The following C16orf46 variants were observed in gnomAD, a reference collection of about 807,000 sequenced individuals.
The protein encoded by C16orf46 is uncharacterized protein C16orf46.
In C16orf46, 7 loss-of-function variants were observed where a neutral mutation model predicts 5.5. The observed-to-expected ratio is 1.28, with a 90% CI of 0.73 to 2.40. The LOEUF (loss-of-function observed/expected upper bound fraction) is 2.40. Among genes scored for constraint, C16orf46 ranks in the 30% most tolerant of loss-of-function variants. C16orf46 has a pLI of 0.00. For missense variants in C16orf46, 614 were observed against 476.0 expected (o/e 1.29, Z -2.70); for synonymous variants, 200 against 184.1 (o/e 1.09, Z -0.70).
At chr16:81,059,682 T>G (rs1262434046), downstream of C16orf46, among the ~76,000 whole-genome samples, 1 of 152,140 alleles carries the variant, frequency 6.6e-6, no homozygotes, top group African/African-American at 2.4e-5. Flanking sequence ...AACAGCCCCT[T>G]TCCAAAAGTG....
chr16:81,054,016 G>C (rs1168784785), exon 4 of C16orf46: 1 of 1,553,176 alleles, frequency 6.4e-7, no homozygotes, highest in African/African-American at 1.4e-5. Flanking sequence ...TTGCTTTTAT[G>C]ATTACATCTC....
At chr16:81,062,641 C>T (rs952329143) in intron 3 of C16orf46, among the ~76,000 whole-genome samples, 2 of 152,066 alleles carry the variant, frequency 1.3e-5, no homozygotes, top group Admixed American at 6.6e-5. Flanking sequence ...GGAGGGAGAC[C>T]GAGGAGCAGA....
chr16:81,063,707 G>T, intron 3 of C16orf46, 39 bp downstream of exon 3: 1 of 1,541,990 alleles, frequency 6.5e-7, no homozygotes, highest in Non-Finnish European at 8.9e-7. Context: ...ACACTGATGT[G>T]CGAGAGACAG....
At chr16:81,069,864 C>T (rs1454088752) in intron 1 of C16orf46, 1 of 152,216 alleles carries the variant, frequency 6.6e-6, no homozygotes, top group African/African-American at 2.4e-5. Flanking sequence ...GTGGCTCACG[C>T]CTGTAATCCC....
At chr16:81,068,066 A>G (rs572348351) in intron 1 of C16orf46, among the ~76,000 whole-genome samples, 5 of 152,372 alleles carry the variant, frequency 3.3e-5, no homozygotes, top group African/African-American at 1.2e-4. Context: ...GTAAATGCAG[A>G]AAAGAATAGA....
chr16:81,061,241 T>C lies in C16orf46; in HGVS notation c.1108A>G (p.Lys370Glu), dbSNP rs1055414252. 6.2e-7 allele frequency: 1 copy of C among 1,614,152 alleles called. No individual in the cohort carries two copies. Among genetic ancestry groups the C allele is most frequent in the Non-Finnish European group, 8.5e-7 (1 of 1,180,026 alleles). ...QENRPQMLETKVFPRPVLPSL... is the reference protein window; with the variant it reads ...QENRPQMLETEVFPRPVLPSL... ...GGCAAGACAGGTCTTGGGAAAACTT[T>C]GGTCTCCAGCATTTGGGGCCTGTTT... The change falls in exon 4 of 4, where the codon AAA becomes GAA. Residue 370 changes from lysine to glutamate, a missense_variant. Lys to Glu is a moderately conservative substitution (Grantham distance 56). Transcript: ENST00000299578.
Position 81,061,271 on chromosome 16 carries a change from G to C in C16orf46, c.1078C>G (p.Gln360Glu). 1 of 1,614,146 alleles carries C rather than the reference G, an allele frequency of 6.2e-7. No homozygotes were observed. The highest frequency in any genetic ancestry group is 1.7e-5 in the Admixed American group (1 of 60,014). ...TCCAGCATTTGGGGCCTGTTTTCCT[G>C]CTTGGCCTTTGGGAGAACATGCTTT... ...TRKHVLPKAK[Q>E]ENRPQMLETK... Residue 360 changes from glutamine (Q) to glutamate (E), a missense_variant, in exon 4 of 4, where the codon CAG becomes GAG. Transcript: ENST00000299578.
intron 2 of C16orf46, among the ~76,000 whole-genome samples, chr16:81,065,763 T>G (rs1197522387): frequency 6.6e-6 from 1 of 152,230 alleles, no homozygotes; most frequent in African/African-American, 2.4e-5. Flanking sequence ...GTACTTCTTA[T>G]GACAAATCTG....
chr16:81,072,303 G>A (rs1163801664), intron 1 of C16orf46: 1 of 131,402 alleles, frequency 7.6e-6, no homozygotes, highest in Non-Finnish European at 1.6e-5. Context: ...CTGAGGGGTT[G>A]TTCGTGTAAT....
chr16:81,061,181 A>C lies in C16orf46; in HGVS notation c.1168T>G (p.Ser390Ala). 1 of 1,611,456 alleles carries C rather than the reference A, an allele frequency of 6.2e-7. No homozygotes were observed. The highest frequency in any genetic ancestry group is 8.5e-7 in the Non-Finnish European group (1 of 1,178,374). The change falls in exon 4 of 4, where the codon TCT becomes GCT. Residue 390 changes from serine to alanine, a missense_variant. Physicochemically the swap from Ser to Ala is moderately conservative, Grantham distance 99. Coordinates refer to ENST00000299578, the MANE Select transcript of C16orf46 (RefSeq NM_152337.3). ...ACCGCTCAGAGGATCCTGTGGGTAG[A>C]GACAGGAATGATAACTCTGCTCACT... is the stretch of plus-strand genomic sequence containing the variant. ...LTVSRVIIPV[S>A]THRIL is the part of the protein sequence containing the mutation.
At chr16:81,062,858 A>C (rs894859747) in intron 3 of C16orf46, among the ~76,000 whole-genome samples, 1 of 148,050 alleles carries the variant, frequency 6.8e-6, no homozygotes, top group Non-Finnish European at 1.5e-5. Context: ...GGATTAGACC[A>C]AGTTTTCTCA....
intron 3 of C16orf46, 106 bp downstream of exon 3, chr16:81,063,640 G>C: frequency 1.1e-6 from 1 of 922,134 alleles, no homozygotes; most frequent in Non-Finnish European, 1.7e-6. Context: ...ACATGTCATT[G>C]ATTCCACATT....
In C16orf46 at chr16:81,061,461, C is replaced by G. The variant is rs779697905; in HGVS notation, c.888G>C (p.Gln296His). The G allele has an allele frequency of 3.4e-5, 55 of 1,614,046 alleles. No homozygotes were observed. Among genetic ancestry groups the G allele is most frequent in the Non-Finnish European group, 1.5e-5 (18 of 1,180,030 alleles). ...AQISLLTDPE[Q>H]RCLHWSLLSE... ...ACAGGAGGGACCAATGCAGGCAGCG[C>G]TGCTCCGGATCGGTCAGCAGGGATA... The change falls in exon 4 of 4, where the codon CAG becomes CAC. Residue 296 changes from glutamine (Q) to histidine (H), a missense_variant. Gln to His is a conservative substitution (Grantham distance 24). Coordinates refer to ENST00000299578, the MANE Select transcript of C16orf46 (RefSeq NM_152337.3).
At chr16:81,063,260 A>C (rs1408095791) in intron 3 of C16orf46, among the ~76,000 whole-genome samples, 4 of 151,470 alleles carry the variant, frequency 2.6e-5, no homozygotes, top group East Asian at 1.9e-4. Context: ...AAAAAAAAAA[A>C]AAAAAAAACC....
At chr16:81,067,713 G>A (rs1971697084) in intron 1 of C16orf46, among the ~76,000 whole-genome samples, 1 of 151,970 alleles carries the variant, frequency 6.6e-6, no homozygotes, top group Non-Finnish European at 1.5e-5. Flanking sequence ...CTACCATGCA[G>A]GGCTAATTTT....
intron 1 of C16orf46, among the ~76,000 whole-genome samples, chr16:81,072,434 GGAGTGCA>G (rs2151758349): frequency 6.6e-6 from 1 of 152,188 alleles, no homozygotes; most frequent in Non-Finnish European, 1.5e-5. Flanking sequence ...TGCCCAGGCT[GGAGTGCA>G]ATGGTGCGAT....
chr16:81,073,395 G>C (rs982799317), intron 1 of C16orf46, among the ~76,000 whole-genome samples: 2 of 152,140 alleles, frequency 1.3e-5, no homozygotes, highest in African/African-American at 4.8e-5. Flanking sequence ...GAGAAAAATG[G>C]GTAAAAATAC....
At chr16:81,075,200 C>A (rs1971990273) in intron 1 of C16orf46, among the ~76,000 whole-genome samples, 2 of 150,924 alleles carry the variant, frequency 1.3e-5, no homozygotes, top group African/African-American at 4.9e-5. Context: ...TTTAGATAGT[C>A]TTTTTTTTTA....
downstream of C16orf46, among the ~76,000 whole-genome samples, chr16:81,059,051 A>C (rs1031851020): frequency 3.9e-5 from 6 of 152,166 alleles, no homozygotes; most frequent in South Asian, 1.2e-3. Context: ...GAGGACTTGG[A>C]TTCTTATTTA....
Sources: allele counts gnomAD v4.1 joint callset (sites outside exome capture counted in the v4.1 genomes callset), GRCh38; gene constraint gnomAD v4.1.1; transcripts MANE v1.5; gene names NCBI Gene and HGNC (gene_info 2026-07-23, HGNC 2026-07-21).